The following PDGFC variants were observed in gnomAD, a reference collection of about 807,000 sequenced individuals.
The protein encoded by PDGFC is platelet-derived growth factor C.
A neutral mutation model predicts 35.5 loss-of-function variants in PDGFC; 12 were observed. The ratio of observed to expected loss-of-function variants is 0.34; its 90% CI spans 0.22 to 0.55. The LOEUF is 0.55. Among genes scored for constraint, PDGFC ranks in the 20% least tolerant of loss-of-function variants. The pLI, the probability that PDGFC is intolerant of heterozygous loss-of-function variation, is 0.91. For missense variants in PDGFC, 322 were observed against 412.4 expected, an observed-to-expected ratio of 0.78 and a Z score of 1.90; for synonymous variants, 159 against 148.8, an observed-to-expected ratio of 1.07 and a Z score of -0.50.
intron 2 of PDGFC, among the ~76,000 whole-genome samples, chr4:156,834,905 T>C (rs1477886810): frequency 6.6e-6 from 1 of 151,882 alleles, no homozygotes; most frequent in African/African-American, 2.4e-5. Flanking sequence ...TTGAGTCATA[T>C]AGTTAGTCTG....
chr4:156,766,674 C>CT (rs1340891015), intron 5 of PDGFC, among the ~76,000 whole-genome samples: 1 of 152,016 alleles, frequency 6.6e-6, no homozygotes, highest in Non-Finnish European at 1.5e-5. Context: ...AATAAAATGA[C>CT]TTTTCATATG....
At chr4:156,917,890 T>C (rs1731188329) in intron 1 of PDGFC, among the ~76,000 whole-genome samples, 2 of 152,220 alleles carry the variant, frequency 1.3e-5, no homozygotes, top group South Asian at 2.1e-4. Flanking sequence ...AAACCACTTA[T>C]CTGTTTCAAC....
At chr4:156,847,254 T>C (rs1387426037) in intron 2 of PDGFC, among the ~76,000 whole-genome samples, 1 of 151,690 alleles carries the variant, frequency 6.6e-6, no homozygotes, top group East Asian at 1.9e-4. Flanking sequence ...GATACCACCA[T>C]ACGTAAGTGA....
chr4:156,830,682 G>A (rs1453961946), intron 2 of PDGFC, among the ~76,000 whole-genome samples: 1 of 152,116 alleles, frequency 6.6e-6, no homozygotes, highest in African/African-American at 2.4e-5. Context: ...AAGCACATAC[G>A]GTGGTACATT....
In PDGFC at chr4:156,761,972, A is replaced by G. The variant is rs1362001733; in HGVS notation, c.*1118T>C. The stretch of plus-strand genomic sequence containing the variant: ...GAGCTAGGCTCAGATTTCCCCAAAA[A>G]AGGAATAGGTTAGTAATGGCTGGAT... On this transcript the variant is annotated 3_prime_UTR_variant, in exon 6 of 6. Transcript: ENST00000502773. The G allele has an allele frequency of 6.6e-6, 1 of 152,638 alleles. No individual in the cohort carries two copies. The allele number at this position is 152,638 out of a possible 1,614,324, so 9.5% of individuals were successfully genotyped here. A position where few individuals can be genotyped will look rare whatever the true frequency, so the allele number is the denominator to read the frequency against.
chr4:156,920,937 C>T (rs1731261615), intron 1 of PDGFC, among the ~76,000 whole-genome samples: 2 of 152,128 alleles, frequency 1.3e-5, no homozygotes, highest in Middle Eastern at 3.4e-3. Context: ...AATCAAGTAA[C>T]AAAAATTTGT....
At chr4:156,894,297 G>A (rs145285052) in intron 1 of PDGFC, among the ~76,000 whole-genome samples, 109 of 152,118 alleles carry the variant, frequency 7.2e-4, no homozygotes, top group African/African-American at 2.5e-3. Flanking sequence ...ACATAATGTA[G>A]GATTTTATCA....
chr4:156,841,788 G>A (rs1442687204), intron 2 of PDGFC, among the ~76,000 whole-genome samples: 1 of 152,060 alleles, frequency 6.6e-6, no homozygotes, highest in Non-Finnish European at 1.5e-5. Context: ...TTACAGGCAT[G>A]AGCCACCACA....
intron 1 of PDGFC, among the ~76,000 whole-genome samples, chr4:156,887,918 G>A (rs1003953287): frequency 2.6e-5 from 4 of 151,146 alleles, no homozygotes; most frequent in Admixed American, 6.6e-5. Flanking sequence ...TGGGAGAATC[G>A]CTTGAGCCCA....
intron 1 of PDGFC, among the ~76,000 whole-genome samples, chr4:156,860,423 T>C (rs776309067): frequency 6.6e-6 from 1 of 152,146 alleles, no homozygotes; most frequent in African/African-American, 2.4e-5. Context: ...TCCTTGACAA[T>C]TCTTTTCCAT....
chr4:156,913,033 C>T (rs890970468), intron 1 of PDGFC, among the ~76,000 whole-genome samples: 42 of 151,970 alleles, frequency 2.8e-4, no homozygotes, highest in African/African-American at 9.4e-4. Context: ...AACAGGAAAA[C>T]CCAGATGTAA....
intron 1 of PDGFC, among the ~76,000 whole-genome samples, chr4:156,900,780 A>G (rs1467662108): frequency 6.6e-6 from 1 of 152,078 alleles, no homozygotes; most frequent in Non-Finnish European, 1.5e-5. Context: ...GGTTGCAGTG[A>G]GCAGAGATCC....
At chr4:156,822,582 G>T (rs1732298886) in intron 2 of PDGFC, among the ~76,000 whole-genome samples, 1 of 151,846 alleles carries the variant, frequency 6.6e-6, no homozygotes, top group South Asian at 2.1e-4. Context: ...TTATGAACCA[G>T]AAACTTCATA....
intron 1 of PDGFC, among the ~76,000 whole-genome samples, chr4:156,910,936 T>C (rs1183211792): frequency 6.6e-6 from 1 of 152,198 alleles, no homozygotes; most frequent in African/African-American, 2.4e-5. Flanking sequence ...ATATATCATA[T>C]ACACAAATCC....
rs1729599910 is a variant in PDGFC at position 156,857,031 on chromosome 4, T to TATTTTATCTAAAC, written c.119-6616_119-6615insGTTTAGATAAAAT. On this transcript the variant is annotated intron_variant, in intron 1 of 5. Coordinates refer to ENST00000502773, the MANE Select transcript of PDGFC (RefSeq NM_016205.3). The stretch of plus-strand genomic sequence containing the variant: ...ATCTAAACTGTAAAATATGATCTAT[T>TATTTTATCTAAAC]TGATAATAAAATCTGTTATTTTAGG... Among the ~76,000 whole-genome samples, 13 of 152,042 alleles carry TATTTTATCTAAAC rather than the reference T, an allele frequency of 8.6e-5. No individual in the cohort carries two copies. In the South Asian group the frequency reaches 2.7e-3, roughly 32 times the overall value.
chr4:156,932,707 G>A (rs887323509), intron 1 of PDGFC, among the ~76,000 whole-genome samples: 5 of 139,606 alleles, frequency 3.6e-5, no homozygotes, highest in East Asian at 2.2e-4. Flanking sequence ...GAGAACACAC[G>A]GACACAGGAA....
At chr4:156,819,198 G>A (rs906640783) in intron 2 of PDGFC, among the ~76,000 whole-genome samples, 2 of 152,138 alleles carry the variant, frequency 1.3e-5, no homozygotes, top group South Asian at 2.1e-4. Flanking sequence ...AGAAGCTGCA[G>A]CAGGTTATCC....
intron 1 of PDGFC, among the ~76,000 whole-genome samples, chr4:156,900,964 G>A (rs1445051306): frequency 6.7e-6 from 1 of 150,280 alleles, no homozygotes; most frequent in Non-Finnish European, 1.5e-5. Context: ...AGGGAGGGAG[G>A]AAGAAAAAAA....
At chr4:156,864,020 T>C (rs1729777445) in intron 1 of PDGFC, among the ~76,000 whole-genome samples, 1 of 152,076 alleles carries the variant, frequency 6.6e-6, no homozygotes, top group Non-Finnish European at 1.5e-5. Context: ...GTTGTTTTGG[T>C]TTGGTTTAGT....
Sources: gnomAD v4.1 joint callset for allele counts (sites outside exome capture counted in the v4.1 genomes callset) on GRCh38, gnomAD v4.1.1 for gene constraint, MANE v1.5 for transcripts, NCBI Gene and HGNC (gene_info 2026-07-23, HGNC 2026-07-21) for gene names.